APPL2: variants seen among roughly 807,000 people sequenced by gnomAD.
The protein encoded by APPL2 is adaptor protein, phosphotyrosine interacting with PH domain and leucine zipper 2, also known as DCC-interacting protein 13-beta.
A neutral mutation model predicts 92.7 loss-of-function variants in APPL2; 84 were observed. That is an observed-to-expected ratio of 0.91 (90% CI 0.76 to 1.09). The LOEUF (loss-of-function observed/expected upper bound fraction) is 1.09, where lower values mean the gene tolerates loss of function less well. Among genes scored for constraint, APPL2 ranks in the 50% least tolerant of loss-of-function variants. The pLI is 0.00. For synonymous variants in APPL2, 291 were observed against 291.0 expected (o/e 1.00, Z 0.00); for missense variants, 736 against 824.5 (o/e 0.89, Z 1.31).
At chr12:105,235,631 A>T (rs1260955916) in intron 1 of APPL2, among the ~76,000 whole-genome samples, 2 of 152,224 alleles carry the variant, frequency 1.3e-5, no homozygotes, top group African/African-American at 2.4e-5. Context: ...AGGCACAATA[A>T]GGTGGTTTTC....
chr12:105,206,917 C>T (rs961806910), intron 8 of APPL2, 144 bp downstream of exon 8: 1 of 1,064,152 alleles, frequency 9.4e-7, no homozygotes, highest in Non-Finnish European at 1.3e-6. Flanking sequence ...GGAAGCTGTC[C>T]AAGTGCTGAA....
intron 14 of APPL2, among the ~76,000 whole-genome samples, chr12:105,194,855 C>T (rs61940667): frequency 3.0e-4 from 46 of 151,186 alleles, no homozygotes; most frequent in South Asian, 8.3e-4. Flanking sequence ...TCAGATAAGG[C>T]GTGGACATTA....
intron 2 of APPL2, among the ~76,000 whole-genome samples, chr12:105,223,453 G>C (rs1443490285): frequency 6.6e-6 from 1 of 152,136 alleles, no homozygotes; most frequent in Non-Finnish European, 1.5e-5. Context: ...AAGAACAAGG[G>C]GCAGAGCCCA....
chr12:105,187,755 C>G (rs1566057936), intron 17 of APPL2, among the ~76,000 whole-genome samples: 1 of 152,050 alleles, frequency 6.6e-6, no homozygotes, highest in Non-Finnish European at 1.5e-5. Flanking sequence ...CATCTCAGTT[C>G]AGGCTAGTTT....
chr12:105,216,021 C>T (rs956597376), intron 4 of APPL2, among the ~76,000 whole-genome samples: 12 of 152,186 alleles, frequency 7.9e-5, no homozygotes, highest in Non-Finnish European at 1.5e-4. Context: ...AGCGAGACTC[C>T]GTCTTATAAA....
intron 2 of APPL2, among the ~76,000 whole-genome samples, chr12:105,226,114 GA>G (rs781762128): frequency 6.6e-6 from 1 of 152,094 alleles, no homozygotes; most frequent in Non-Finnish European, 1.5e-5. Context: ...AACTTTAGGG[GA>G]AAAAACTTGA....
Position 105,211,121 on chromosome 12 carries a change from A to T in APPL2, c.373+109T>A. 5.1e-6 allele frequency: 4 copies of T among 781,448 alleles called. No homozygotes were observed. The South Asian group carries it at 6.6e-5, about 13-fold the overall frequency. The allele number at this position is 781,448 out of a possible 1,614,324, so 48.4% of individuals were successfully genotyped here. ...TCACTGAATTGAACTGCTCAAAAAG[A>T]AAGGCATTTCTCAGCGATCCACACA... On this transcript the variant is annotated intron_variant, in intron 5 of 20. Transcript: ENST00000258530.
intron 17 of APPL2, among the ~76,000 whole-genome samples, chr12:105,178,853 A>G (rs1391142927): frequency 6.6e-6 from 1 of 152,242 alleles, no homozygotes; most frequent in Non-Finnish European, 1.5e-5. Flanking sequence ...TATAGATCAT[A>G]AACAGTTTTC....
At chr12:105,215,380 T>C (rs1243422997) in intron 4 of APPL2, among the ~76,000 whole-genome samples, 1 of 152,212 alleles carries the variant, frequency 6.6e-6, no homozygotes, top group Non-Finnish European at 1.5e-5. Context: ...GACCAAAGTG[T>C]GCTGAGTGCT....
In APPL2 at chr12:105,189,485, G is replaced by A. The variant is rs562579305; in HGVS notation, c.1459+287C>T. Among the ~76,000 whole-genome samples, 22 of 152,282 alleles carry A rather than the reference G, an allele frequency of 1.4e-4. No individual in the cohort carries two copies. The South Asian group carries it at 4.6e-3, about 32-fold the overall frequency. ...ACACAGCGTATTTCCAGTTCACCAA[G>A]ACTGCATTTGAATGTGATAACAGAT... On this transcript the variant is annotated intron_variant, in intron 16 of 20. Coordinates refer to ENST00000258530, the MANE Select transcript of APPL2 (RefSeq NM_018171.5).
chr12:105,199,818 T>C (rs1292369327), intron 9 of APPL2, among the ~76,000 whole-genome samples: 4 of 151,770 alleles, frequency 2.6e-5, no homozygotes, highest in Non-Finnish European at 5.9e-5. Flanking sequence ...TTTTTTTTTG[T>C]TGTTTTTATT....
At chr12:105,199,614 C>T in intron 9 of APPL2, 83 bp from the exon 10 acceptor site, 4 of 1,469,376 alleles carry the variant, frequency 2.7e-6, no homozygotes, top group Non-Finnish European at 3.7e-6. Flanking sequence ...CATCACTCCA[C>T]CCCCGCAAAG....
intron 5 of APPL2, among the ~76,000 whole-genome samples, chr12:105,209,936 A>C (rs554322256): frequency 1.3e-5 from 2 of 151,510 alleles, no homozygotes; most frequent in Non-Finnish European, 2.9e-5. Context: ...AACACAGGGG[A>C]TCTCAAAGCA....
At chr12:105,193,289 A>G (rs1887381242) in intron 14 of APPL2, among the ~76,000 whole-genome samples, 1 of 152,204 alleles carries the variant, frequency 6.6e-6, no homozygotes, top group Non-Finnish European at 1.5e-5. Context: ...AAACCCCCCT[A>G]AACTATCCAT....
Position 105,195,585 on chromosome 12 carries a change from C to T in APPL2, c.1095G>A (p.Glu365=). 2 of 1,614,206 alleles carry T rather than the reference C, an allele frequency of 1.2e-6. No homozygotes were observed. The highest frequency in any genetic ancestry group is 1.7e-6 in the Non-Finnish European group (2 of 1,180,040). The stretch of plus-strand genomic sequence containing the variant: ...GAAATATGACAAACAAAATTTTTAC[C>T]TCTTCATTTTCCTTTCTGCTCTCAG... The part of the protein sequence containing the change: ...LQAESRKENE[E]WICAINNISR... The change falls in exon 12 of 21, where the codon GAG becomes GAA. Residue 365 remains glutamate (E), a splice_region_variant and synonymous_variant. Coordinates refer to ENST00000258530, the MANE Select transcript of APPL2 (RefSeq NM_018171.5).
intron 17 of APPL2, among the ~76,000 whole-genome samples, chr12:105,181,875 A>G (rs1411834652): frequency 6.6e-6 from 1 of 152,116 alleles, no homozygotes; most frequent in African/African-American, 2.4e-5. Flanking sequence ...TAGTCTGGCT[A>G]GCAGTCTATC....
intron 17 of APPL2, among the ~76,000 whole-genome samples, chr12:105,181,750 C>T (rs988349428): frequency 6.6e-6 from 1 of 152,024 alleles, no homozygotes; most frequent in Non-Finnish European, 1.5e-5. Flanking sequence ...TATTTGCATA[C>T]AGGTGTTTAT....
intron 4 of APPL2, 29 bp downstream of exon 4, chr12:105,217,040 A>G: frequency 1.3e-6 from 2 of 1,503,850 alleles, no homozygotes; most frequent in Non-Finnish European, 1.8e-6. Flanking sequence ...GAAAGAATCA[A>G]ATACAAATTT....
intron 11 of APPL2, among the ~76,000 whole-genome samples, chr12:105,197,229 C>T (rs1052712907): frequency 2.6e-5 from 4 of 152,120 alleles, no homozygotes; most frequent in African/African-American, 7.2e-5. Context: ...CCACAGCCTG[C>T]GGATTGGTAA....
Sources: gnomAD v4.1 joint callset for allele counts (sites outside exome capture counted in the v4.1 genomes callset) on GRCh38, gnomAD v4.1.1 for gene constraint, MANE v1.5 for transcripts, NCBI Gene and HGNC (gene_info 2026-07-23, HGNC 2026-07-21) for gene names.